ZNF160: variants seen among roughly 807,000 people sequenced by gnomAD.
The protein encoded by ZNF160 is zinc finger protein 160, also known as KRAB zinc finger protein KR18.
Under a neutral mutation model 13.1 loss-of-function variants are expected in ZNF160, and 9 were observed. The observed-to-expected ratio is 0.69, with a 90% CI of 0.41 to 1.20. ZNF160 has a LOEUF of 1.20. Ranked by LOEUF, ZNF160 falls within the 50% of genes most tolerant of loss-of-function variation. The pLI is 0.01. For missense variants in ZNF160, 838 were observed against 988.0 expected (o/e 0.85, Z 2.04); for synonymous variants, 293 against 333.2 (o/e 0.88, Z 1.31).
intron 3 of ZNF160, among the ~76,000 whole-genome samples, chr19:53,079,239 C>A (rs1019349636): frequency 6.6e-6 from 1 of 152,044 alleles, no homozygotes; most frequent in Admixed American, 6.6e-5. Flanking sequence ...TGACAAAATT[C>A]AACATAGTTC....
At chr19:53,073,631 A>AGAGG (rs1248317356) in intron 5 of ZNF160, 3 of 1,302,276 alleles carry the variant, frequency 2.3e-6, no homozygotes, top group Non-Finnish European at 3.0e-6. Flanking sequence ...AATTAAATAC[A>AGAGG]GAGGGAGAGA....
intron 1 of ZNF160, among the ~76,000 whole-genome samples, chr19:53,101,215 G>A (rs2085436337): frequency 6.6e-6 from 1 of 152,114 alleles, no homozygotes; most frequent in Non-Finnish European, 1.5e-5. Flanking sequence ...AGGAGACAGA[G>A]GTTGCAGTGA....
intron 3 of ZNF160, chr19:53,075,510 G>A: frequency 2.8e-6 from 1 of 358,336 alleles, no homozygotes; most frequent in Non-Finnish European, 5.4e-6. Flanking sequence ...GGCTCGGTTA[G>A]ACTAAGCCTC....
chr19:53,086,060 C>G, intron 3 of ZNF160: 1 of 1,417,962 alleles, frequency 7.1e-7, no homozygotes, highest in South Asian at 1.2e-5. Context: ...GGACCATGCC[C>G]AGTGCAGCCT....
chr19:53,077,091 C>T (rs1004389039), intron 3 of ZNF160: 4 of 152,212 alleles, frequency 2.6e-5, no homozygotes, highest in Non-Finnish European at 4.4e-5. Flanking sequence ...CTTGTAGTAA[C>T]GTACGCAGAC....
At position 53,068,321 on chromosome 19, in the gene ZNF160, C is replaced by T. The variant is rs2084031856; in HGVS notation, c.2213G>A (p.Cys738Tyr). The T allele has an allele frequency of 6.2e-7, 1 of 1,613,996 alleles. No individual in the cohort carries two copies. The highest frequency in any genetic ancestry group is 8.5e-7 in the Non-Finnish European group (1 of 1,180,030). The change falls in exon 6 of 6, where the codon TGT (cysteine) becomes TAT (tyrosine). Residue 738 changes from cysteine to tyrosine, a missense_variant. Physicochemically the swap from Cys to Tyr is radical, Grantham distance 194 (BLOSUM62 -2). Around this residue, in one of 3 missense-constraint regions of ZNF160, gnomAD observed 400 missense variants for 538.9 expected, o/e 0.74. Transcript: ENST00000683776. Reference protein sequence around the residue: ...TGKKPYKCNECGKVFTQNAHL... With the variant: ...TGKKPYKCNEYGKVFTQNAHL... Reference sequence around the variant, plus strand: ...AGCATTTTGAGTAAAGACCTTGCCACATTCATTACATTTGTAAGGTTTTTT... The same window carrying T: ...AGCATTTTGAGTAAAGACCTTGCCATATTCATTACATTTGTAAGGTTTTTT...
chr19:53,096,865 G>A lies in ZNF160; in HGVS notation c.-353-5145C>T, dbSNP rs1300689067. ...GTGCATAGGATGAGATGTGTGTTGG[G>A]TGGACAGAAAGACTCCTTTCCCTAA... On this transcript the variant is annotated intron_variant, in intron 1 of 5. Coordinates refer to ENST00000683776, the MANE Select transcript of ZNF160 (RefSeq NM_001322131.2). 2.4e-5 allele frequency among the ~76,000 whole-genome samples: 3 copies of A among 126,364 alleles called. 1 individual carries two copies. Among genetic ancestry groups the A allele is most frequent in the African/African-American group, 9.5e-5 (3 of 31,680 alleles). 82.9% of individuals were successfully genotyped at this position (126,364 alleles called of 152,430 possible).
intron 3 of ZNF160, 155 bp from the exon 4 acceptor site, chr19:53,075,338 C>T: frequency 1.1e-6 from 1 of 878,662 alleles, no homozygotes; most frequent in Non-Finnish European, 1.7e-6. Context: ...ATTTGGTCTT[C>T]ATCCCCCTCT....
rs745909467 is a variant in ZNF160, at chr19:53,068,340, G to GT, written c.2193dup (p.Pro732ThrfsTer5). 1.1e-5 allele frequency: 18 copies of GT among 1,614,126 alleles called. No individual in the cohort carries two copies. The highest frequency in any genetic ancestry group is 1.3e-5 in the Non-Finnish European group (15 of 1,180,038). On this transcript the variant is annotated frameshift_variant, in exon 6 of 6. Transcript: ENST00000683776. LOFTEE classifies it low-confidence loss of function (END_TRUNC). The stretch of plus-strand genomic sequence containing the variant: ...TTGCCACATTCATTACATTTGTAAG[G>GT]TTTTTTCCCAGTATGGATTGCCTGA...
At chr19:53,085,826 C>A in intron 3 of ZNF160, 2 of 485,966 alleles carry the variant, frequency 4.1e-6, no homozygotes, top group Non-Finnish European at 7.3e-6. Context: ...GCTTCAAATG[C>A]AGTTACCAAT....
chr19:53,082,548 T>C (rs1033046159), intron 3 of ZNF160, among the ~76,000 whole-genome samples: 2 of 152,104 alleles, frequency 1.3e-5, no homozygotes, highest in African/African-American at 4.8e-5. Context: ...TGCGTGCCTA[T>C]AGTCTCAGTT....
At chr19:53,086,979 G>C (rs1229744447) in intron 2 of ZNF160, among the ~76,000 whole-genome samples, 1 of 152,180 alleles carries the variant, frequency 6.6e-6, no homozygotes, top group Non-Finnish European at 1.5e-5. Context: ...ACACAGAACA[G>C]GCAACATGGA....
At chr19:53,074,094 A>G in intron 5 of ZNF160, 46 bp downstream of exon 5, 9 of 1,594,216 alleles carry the variant, frequency 5.6e-6, no homozygotes, top group Non-Finnish European at 7.7e-6. Flanking sequence ...CCCCTCCCAC[A>G]CTCTAGTTAA....
chr19:53,071,769 C>A (rs1203687279), intron 5 of ZNF160, among the ~76,000 whole-genome samples: 1 of 152,120 alleles, frequency 6.6e-6, no homozygotes, highest in Non-Finnish European at 1.5e-5. Flanking sequence ...TTTTTCCACG[C>A]TGACCTCACG....
intron 5 of ZNF160, 71 bp from the exon 6 acceptor site, chr19:53,070,333 CAT>C (rs1259427182): frequency 7.3e-7 from 1 of 1,364,866 alleles, no homozygotes; most frequent in Non-Finnish European, 9.7e-7. Flanking sequence ...ACATTGAAAA[CAT>C]ATTCCACCAA....
rs11665677 is a variant in ZNF160, at chr19:53,069,241, G to T, written c.1293C>A (p.Gly431=). The T allele has an allele frequency of 0.3, 484,995 of 1,613,640 alleles. 75,115 individuals are homozygous for T. Among genetic ancestry groups the T allele is most frequent in the African/African-American group, 0.42 (31,256 of 74,836 alleles). ...GEKPYKCNEC[G]KVFRYNSYLG... The stretch of plus-strand genomic sequence containing the variant: ...GGTATGAATTGTACCTAAAGACTTT[G>T]CCACATTCATTACATTTGTAAGGTT... The change falls in exon 6 of 6, where the codon GGC becomes GGA. Residue 431 remains glycine, a synonymous_variant. Transcript: ENST00000683776. This position sits in a 1 kb window ranked among gnomAD's most constrained non-coding sequence, Gnocchi z 4.4.
chr19:53,085,232 A>G (rs1168796306), intron 3 of ZNF160: 1 of 985,340 alleles, frequency 1.0e-6, no homozygotes, highest in African/African-American at 1.7e-5. Context: ...ACACGAAAAC[A>G]TGTCAATGTT....
At chr19:53,081,899 A>T (rs1452081814) in intron 3 of ZNF160, among the ~76,000 whole-genome samples, 4 of 152,236 alleles carry the variant, frequency 2.6e-5, no homozygotes, top group Non-Finnish European at 4.4e-5. Context: ...GGATAAAGAA[A>T]ATATAGTAGA....
At chr19:53,092,631 G>A (rs1161609221) in intron 1 of ZNF160, among the ~76,000 whole-genome samples, 2 of 152,066 alleles carry the variant, frequency 1.3e-5, no homozygotes, top group Admixed American at 1.3e-4. Context: ...TCCTTCATAT[G>A]AACCCTATAC....
Sources: allele counts gnomAD v4.1 joint callset (sites outside exome capture counted in the v4.1 genomes callset), GRCh38; gene constraint gnomAD v4.1.1; regional missense constraint gnomAD v4.1.1; non-coding constraint Gnocchi (gnomAD v3.1); transcripts MANE v1.5; gene names NCBI Gene and HGNC (gene_info 2026-07-23, HGNC 2026-07-21).